Variants in INSL6 observed in about 807,000 individuals in gnomAD.
The protein encoded by INSL6 is insulin like 6.
A neutral mutation model predicts 9.4 loss-of-function variants in INSL6; 16 were observed. That is an observed-to-expected ratio of 1.70 (90% confidence interval 1.15 to 2.59). The LOEUF (loss-of-function observed/expected upper bound fraction) is 2.59, where lower values mean the gene tolerates loss of function less well. Among genes scored for constraint, INSL6 ranks in the 30% most tolerant of loss-of-function variants. The probability of loss-of-function intolerance (pLI) is 0.00; values close to 1 mark genes in which losing one functional copy is unlikely to be tolerated. For missense variants in INSL6, 391 were observed against 257.3 expected (o/e 1.52, Z -3.56); for synonymous variants, 154 against 96.9 (o/e 1.59, Z -3.46).
the INSL6 span, among the ~76,000 whole-genome samples, chr9:5,102,648 G>A: frequency 6.6e-6 from 1 of 152,200 alleles, no homozygotes; most frequent in South Asian, 2.1e-4. Flanking sequence ...AGAGAGAAAT[G>A]TCGGGTTGCC....
the INSL6 span, among the ~76,000 whole-genome samples, chr9:5,045,778 A>G: frequency 6.6e-6 from 1 of 152,182 alleles, no homozygotes; most frequent in East Asian, 1.9e-4. Flanking sequence ...ATAATATTCC[A>G]TTGCATATGT....
At chr9:5,072,361 C>A in the INSL6 span, 1 of 577,514 alleles carries the variant, frequency 1.7e-6, no homozygotes, top group South Asian at 3.7e-5. Context: ...AGTCTTAAAT[C>A]TGGATTTAGA....
chr9:5,069,677 G>T, the INSL6 span, among the ~76,000 whole-genome samples: 1 of 151,944 alleles, frequency 6.6e-6, no homozygotes, highest in Non-Finnish European at 1.5e-5. Flanking sequence ...TAACTGGCAG[G>T]AATACATCAA....
chr9:5,058,018 C>G, the INSL6 span, among the ~76,000 whole-genome samples: 1 of 152,154 alleles, frequency 6.6e-6, no homozygotes, highest in Non-Finnish European at 1.5e-5. Flanking sequence ...CAGCATGTAT[C>G]AATTTCCTTC....
chr9:5,181,834 A>T (rs1342787451), intron 1 of INSL6, among the ~76,000 whole-genome samples: 2 of 152,242 alleles, frequency 1.3e-5, no homozygotes, highest in Non-Finnish European at 2.9e-5. Flanking sequence ...TAACATGTAT[A>T]TGAAAAGATG....
chr9:5,010,480 C>G, the INSL6 span, among the ~76,000 whole-genome samples: 1 of 152,062 alleles, frequency 6.6e-6, no homozygotes, highest in African/African-American at 2.4e-5. Flanking sequence ...ACCACTATGC[C>G]CGGCTAATTT....
intron 2 of INSL6, among the ~76,000 whole-genome samples, chr9:5,136,735 AGT>A (rs1199648104): frequency 2.0e-5 from 3 of 152,216 alleles, no homozygotes; most frequent in Admixed American, 2.0e-4. Flanking sequence ...TTCTCTCACC[AGT>A]CCTATTCAAC....
At chr9:5,085,106 G>C in the INSL6 span, 2 of 656,188 alleles carry the variant, frequency 3.0e-6, no homozygotes, top group South Asian at 1.4e-5. Flanking sequence ...TGCTGGGCAA[G>C]GTAGGTTGTT....
the INSL6 span, among the ~76,000 whole-genome samples, chr9:4,997,218 C>T: frequency 2.0e-5 from 3 of 152,020 alleles, no homozygotes; most frequent in African/African-American, 4.8e-5. Flanking sequence ...GGTTCTGGAG[C>T]CACCGCGCAT....
the INSL6 span, chr9:5,090,471 G>A: frequency 6.4e-7 from 1 of 1,562,532 alleles, no homozygotes. Flanking sequence ...AATTAATTAT[G>A]GAATATTTAC....
At chr9:5,147,670 CTT>C (rs1491092467) in intron 2 of INSL6, among the ~76,000 whole-genome samples, 2 of 152,100 alleles carry the variant, frequency 1.3e-5, no homozygotes, top group African/African-American at 2.4e-5. Flanking sequence ...TTCTTATTCT[CTT>C]TCTCTCTCAG....
the INSL6 span, chr9:5,070,183 T>A: frequency 3.7e-6 from 2 of 533,660 alleles, no homozygotes; most frequent in Non-Finnish European, 6.0e-6. Context: ...AATATTTTTC[T>A]TATGAAAAAT....
intron 2 of INSL6, among the ~76,000 whole-genome samples, chr9:5,136,441 T>G (rs962103718): frequency 7.2e-5 from 11 of 152,040 alleles, no homozygotes; most frequent in South Asian, 2.1e-4. Context: ...TCGGCTTCAT[T>G]CCTAGGATGC....
At chr9:5,071,848 T>G in the INSL6 span, among the ~76,000 whole-genome samples, 1 of 152,166 alleles carries the variant, frequency 6.6e-6, no homozygotes, top group Non-Finnish European at 1.5e-5. Flanking sequence ...ACAAGCAGCC[T>G]TACTGCAGAG....
chr9:5,125,700 A>T (rs1823939726), intron 3 of INSL6, among the ~76,000 whole-genome samples: 1 of 70,460 alleles, frequency 1.4e-5, no homozygotes, highest in Non-Finnish European at 2.6e-5. Flanking sequence ...GATAGGGGAG[A>T]AGTTATATAT....
chr9:5,118,228 T>C, the INSL6 span, among the ~76,000 whole-genome samples: 3 of 152,194 alleles, frequency 2.0e-5, no homozygotes, highest in African/African-American at 7.2e-5. Context: ...ATTATATGAA[T>C]AGACTTTTAT....
chr9:5,115,215 C>G, the INSL6 span, among the ~76,000 whole-genome samples: 3 of 151,872 alleles, frequency 2.0e-5, no homozygotes, highest in African/African-American at 7.3e-5. Context: ...AACAAGTTCA[C>G]AAGAAAAAAA....
intron 1 of INSL6, among the ~76,000 whole-genome samples, chr9:5,170,415 A>C (rs1586874645): frequency 6.6e-6 from 1 of 152,156 alleles, no homozygotes; most frequent in Non-Finnish European, 1.5e-5. Flanking sequence ...TCAAATCAAC[A>C]CCCTAACGTC....
intron 1 of INSL6, among the ~76,000 whole-genome samples, chr9:5,169,773 C>T (rs1030335216): frequency 4.6e-5 from 7 of 152,048 alleles, no homozygotes; most frequent in South Asian, 2.1e-4. Context: ...AAGACAAGAG[C>T]GTTACATAAT....
Sources: allele counts gnomAD v4.1 joint callset (sites outside exome capture counted in the v4.1 genomes callset), GRCh38; gene constraint gnomAD v4.1.1; transcripts MANE v1.5; gene names NCBI Gene and HGNC (gene_info 2026-07-23, HGNC 2026-07-21).